Variants in TBC1D22A observed in about 807,000 individuals in gnomAD.
The protein encoded by TBC1D22A is putative GTPase activator.
A neutral mutation model predicts 60.2 loss-of-function variants in TBC1D22A; 38 were observed. The ratio of observed to expected loss-of-function variants is 0.63; its 90% CI spans 0.49 to 0.83. The LOEUF (loss-of-function observed/expected upper bound fraction) is 0.83, where lower values mean the gene tolerates loss of function less well. Among genes scored for constraint, TBC1D22A ranks in the 40% least tolerant of loss-of-function variants. The probability of loss-of-function intolerance (pLI) is 0.00; values close to 1 mark genes in which losing one functional copy is unlikely to be tolerated. For missense variants in TBC1D22A, 628 were observed against 701.0 expected (o/e 0.90, Z 1.18); for synonymous variants, 302 against 281.7 (o/e 1.07, Z -0.72).
intron 1 of TBC1D22A, chr22:46,767,958 A>T (rs1302122211): frequency 2.0e-5 from 3 of 152,860 alleles, no homozygotes; most frequent in African/African-American, 7.2e-5. Context: ...TTCTGGCTGA[A>T]TGGGGAACCT....
chr22:46,848,921 A>G (rs548820139), intron 4 of TBC1D22A, among the ~76,000 whole-genome samples: 1 of 149,788 alleles, frequency 6.7e-6, no homozygotes, highest in Admixed American at 6.6e-5. Context: ...ATGACATTTC[A>G]TTGCTGGTAG....
intron 4 of TBC1D22A, among the ~76,000 whole-genome samples, chr22:46,843,232 G>A (rs1343031184): frequency 2.6e-5 from 4 of 152,132 alleles, no homozygotes; most frequent in Admixed American, 1.3e-4. Flanking sequence ...CTGTTGTTAC[G>A]AGCATTCGGT....
chr22:46,836,264 A>G (rs756170595), intron 4 of TBC1D22A, among the ~76,000 whole-genome samples: 2 of 152,258 alleles, frequency 1.3e-5, no homozygotes, highest in Non-Finnish European at 2.9e-5. Flanking sequence ...TGTAGCTACA[A>G]CATTTAGTTA....
At chr22:47,132,770 A>G (rs1474224865) in intron 12 of TBC1D22A, among the ~76,000 whole-genome samples, 1 of 152,190 alleles carries the variant, frequency 6.6e-6, no homozygotes, top group Non-Finnish European at 1.5e-5. Flanking sequence ...TCCTGCTCCC[A>G]CATCACGTTG....
At chr22:46,934,391 T>A (rs1157501779) in intron 8 of TBC1D22A, among the ~76,000 whole-genome samples, 3 of 152,210 alleles carry the variant, frequency 2.0e-5, no homozygotes, top group Admixed American at 2.0e-4. Flanking sequence ...ACGCACCCTT[T>A]CTCAGTGCCG....
chr22:46,837,103 G>A (rs1281318155), intron 4 of TBC1D22A, among the ~76,000 whole-genome samples: 1 of 152,052 alleles, frequency 6.6e-6, no homozygotes, highest in African/African-American at 2.4e-5. Flanking sequence ...CCACCCTGGG[G>A]GACAGAGCAA....
chr22:47,019,671 G>T (rs1179745630), intron 10 of TBC1D22A, among the ~76,000 whole-genome samples: 3 of 151,896 alleles, frequency 2.0e-5, no homozygotes, highest in African/African-American at 4.8e-5. Context: ...GGTGTGAGCA[G>T]TCGGGGGTGT....
At chr22:46,856,972 GGTCTA>G (rs1279707147) in intron 4 of TBC1D22A, among the ~76,000 whole-genome samples, 4 of 152,246 alleles carry the variant, frequency 2.6e-5, no homozygotes, top group African/African-American at 4.8e-5. Context: ...CTCCCCATGA[GGTCTA>G]GTCGTACAAT....
intron 3 of TBC1D22A, among the ~76,000 whole-genome samples, 176 bp downstream of exon 3, chr22:46,794,017 T>C (rs893227730): frequency 2.0e-5 from 3 of 152,188 alleles, no homozygotes; most frequent in Non-Finnish European, 4.4e-5. Context: ...CTGCGCTCTT[T>C]CCTAGGGCCC....
intron 11 of TBC1D22A, among the ~76,000 whole-genome samples, chr22:47,043,342 G>T (rs118146218): frequency 0.013 from 2,024 of 152,198 alleles, 19 homozygotes; most frequent in Middle Eastern, 0.034. Context: ...CAGGTGGGCC[G>T]GGGCGACGGG....
intron 7 of TBC1D22A, among the ~76,000 whole-genome samples, chr22:46,906,803 G>A (rs919339598): frequency 3.3e-5 from 5 of 150,664 alleles, no homozygotes; most frequent in African/African-American, 1.2e-4. Flanking sequence ...GTGTGTGTAT[G>A]TGTGTGTGTG....
intron 12 of TBC1D22A, among the ~76,000 whole-genome samples, chr22:47,131,419 G>T (rs1001699641): frequency 6.6e-6 from 1 of 152,182 alleles, no homozygotes; most frequent in African/African-American, 2.4e-5. Flanking sequence ...AGTAGTGAAC[G>T]TTGCACCACC....
intron 8 of TBC1D22A, among the ~76,000 whole-genome samples, chr22:46,946,387 G>A (rs1237868364): frequency 6.6e-6 from 1 of 152,202 alleles, no homozygotes; most frequent in African/African-American, 2.4e-5. Flanking sequence ...AGGCCTTGGT[G>A]CTCCCTGCTC....
intron 4 of TBC1D22A, 59 bp from the exon 5 acceptor site, chr22:46,878,594 G>C (rs2067688312): frequency 2.7e-6 from 4 of 1,462,882 alleles, no homozygotes; most frequent in African/African-American, 1.4e-5. Flanking sequence ...TAAAGCACTG[G>C]GGAGGTTTGC....
intron 4 of TBC1D22A, among the ~76,000 whole-genome samples, chr22:46,852,107 G>T (rs1409899864): frequency 6.6e-6 from 1 of 152,244 alleles, no homozygotes; most frequent in Non-Finnish European, 1.5e-5. Context: ...GGAGTCAGCC[G>T]TCTTTCCCAG....
At chr22:46,829,137 A>G (rs1167473332) in intron 4 of TBC1D22A, among the ~76,000 whole-genome samples, 1 of 151,796 alleles carries the variant, frequency 6.6e-6, no homozygotes, top group Non-Finnish European at 1.5e-5. Context: ...ATCAAATAGC[A>G]CCTCCTCTTT....
chr22:46,920,510 TTC>T (rs2070689975), intron 8 of TBC1D22A, among the ~76,000 whole-genome samples: 1 of 152,236 alleles, frequency 6.6e-6, no homozygotes, highest in Non-Finnish European at 1.5e-5. Flanking sequence ...GAGGCTGTGA[TTC>T]TGTTTCATTC....
intron 12 of TBC1D22A, among the ~76,000 whole-genome samples, chr22:47,111,897 C>T (rs1225976625): frequency 1.3e-5 from 2 of 152,324 alleles, no homozygotes; most frequent in Non-Finnish European, 1.5e-5. Flanking sequence ...CAGCACGACC[C>T]CTGCAGTGTG....
chr22:47,115,004 G>C (rs2065980200), intron 12 of TBC1D22A, among the ~76,000 whole-genome samples: 1 of 151,870 alleles, frequency 6.6e-6, no homozygotes, highest in Non-Finnish European at 1.5e-5. Flanking sequence ...AGGGCCTGCT[G>C]GGCAGGGCTC....
Sources: gnomAD v4.1 joint callset for allele counts (sites outside exome capture counted in the v4.1 genomes callset) on GRCh38, gnomAD v4.1.1 for gene constraint, MANE v1.5 for transcripts, NCBI Gene and HGNC (gene_info 2026-07-23, HGNC 2026-07-21) for gene names.